Variants in SLC35F4 observed in about 807,000 individuals in gnomAD.
SLC35F4 encodes chromosome 14 open reading frame 36.
SLC35F4 carries 24 observed loss-of-function variants against 44.2 expected under a neutral mutation model. The observed-to-expected ratio is 0.54, with a 90% confidence interval of 0.39 to 0.76. The LOEUF (loss-of-function observed/expected upper bound fraction) is 0.76. Among genes scored for constraint, SLC35F4 ranks in the 30% least tolerant of loss-of-function variants. The pLI is 0.00. For missense variants in SLC35F4, 562 were observed against 586.1 expected, an observed-to-expected ratio of 0.96 and a Z score of 0.42; for synonymous variants, 238 against 223.6, an observed-to-expected ratio of 1.06 and a Z score of -0.57.
intron 1 of SLC35F4, among the ~76,000 whole-genome samples, chr14:57,892,376 T>C (rs7155201): frequency 0.17 from 26,200 of 152,172 alleles, 2,778 homozygotes; most frequent in African/African-American, 0.29. Flanking sequence ...TTCCACATTG[T>C]CTCCCAAAAG....
At chr14:57,795,422 A>G (rs1380149290) in intron 1 of SLC35F4, among the ~76,000 whole-genome samples, 1 of 152,216 alleles carries the variant, frequency 6.6e-6, no homozygotes, top group African/African-American at 2.4e-5. Flanking sequence ...AAAATAATTC[A>G]AGAGCTCGCC....
chr14:57,904,172 C>T (rs1889065621), intron 1 of SLC35F4, among the ~76,000 whole-genome samples: 1 of 152,196 alleles, frequency 6.6e-6, no homozygotes, highest in Non-Finnish European at 1.5e-5. Context: ...TGCACAAGCT[C>T]TGAATTATTC....
intron 3 of SLC35F4, 151 bp downstream of exon 3, chr14:57,589,065 T>C: frequency 1.3e-6 from 1 of 767,994 alleles, no homozygotes; most frequent in Non-Finnish European, 2.1e-6. Context: ...AAGGGAGGAC[T>C]GATTCTGCTT....
At chr14:57,571,301 A>C (rs567403505) in intron 5 of SLC35F4, among the ~76,000 whole-genome samples, 40 of 152,312 alleles carry the variant, frequency 2.6e-4, no homozygotes, top group African/African-American at 9.4e-4. Context: ...ACTCCAGTGG[A>C]GAAAAAAATG....
chr14:57,951,634 C>T (rs531377787), intron 1 of SLC35F4, among the ~76,000 whole-genome samples: 10 of 152,266 alleles, frequency 6.6e-5, no homozygotes, highest in Admixed American at 4.6e-4. Context: ...CTTGAATAGG[C>T]GGTTTTCCCC....
At position 57,854,577 on chromosome 14, in the gene SLC35F4, C is replaced by T. The variant is rs186048732; in HGVS notation, c.103+11146G>A. On this transcript the variant is annotated intron_variant, in intron 1 of 7. Coordinates refer to ENST00000556826, the MANE Select transcript of SLC35F4 (RefSeq NM_001306087.2). ...TGCCCTCACTATCCCATCTTCACCCCATCCTACCCAAGCTATCCATCTTCA... is the reference window on the plus strand; with the variant it reads ...TGCCCTCACTATCCCATCTTCACCCTATCCTACCCAAGCTATCCATCTTCA... 5.1e-4 allele frequency among the ~76,000 whole-genome samples: 77 copies of T among 152,276 alleles called. No individual in the cohort carries two copies. In the East Asian group the frequency reaches 9.7e-3, roughly 19 times the overall value.
At chr14:57,570,826 C>T (rs2068463313) in intron 5 of SLC35F4, among the ~76,000 whole-genome samples, 1 of 152,160 alleles carries the variant, frequency 6.6e-6, no homozygotes, top group Admixed American at 6.5e-5. Flanking sequence ...GGTACTGCTT[C>T]TAATTTCAAC....
intron 1 of SLC35F4, among the ~76,000 whole-genome samples, chr14:57,760,519 T>C (rs1419852134): frequency 6.6e-6 from 1 of 152,218 alleles, no homozygotes; most frequent in Non-Finnish European, 1.5e-5. Context: ...ATACAAATTT[T>C]ATAATTGTTT....
At chr14:57,575,457 G>A (rs879878256) in intron 4 of SLC35F4, among the ~76,000 whole-genome samples, 3 of 151,966 alleles carry the variant, frequency 2.0e-5, no homozygotes, top group Admixed American at 6.6e-5. Flanking sequence ...CTCCAGCCTG[G>A]GCAACAGAAT....
At chr14:57,656,376 T>TATAC (rs1314183912) in intron 1 of SLC35F4, among the ~76,000 whole-genome samples, 1,479 of 73,978 alleles carry the variant, frequency 0.02, 21 homozygotes, top group African/African-American at 0.078. Context: ...TATATATATA[T>TATAC]ACACACACAC....
chr14:57,676,087 A>C (rs960736305), intron 1 of SLC35F4, among the ~76,000 whole-genome samples: 2 of 152,134 alleles, frequency 1.3e-5, no homozygotes, highest in African/African-American at 4.8e-5. Context: ...ACTACTATGC[A>C]GAATCTACAA....
At chr14:57,891,339 GC>G (rs1888759696) in intron 1 of SLC35F4, among the ~76,000 whole-genome samples, 1 of 152,084 alleles carries the variant, frequency 6.6e-6, no homozygotes, top group Admixed American at 6.6e-5. Flanking sequence ...CAAATCACCT[GC>G]CCTCATGGAG....
At chr14:57,876,381 A>G (rs1286877766) in intron 1 of SLC35F4, among the ~76,000 whole-genome samples, 3 of 152,152 alleles carry the variant, frequency 2.0e-5, no homozygotes, top group Non-Finnish European at 4.4e-5. Context: ...ACATGAATAA[A>G]TCTTTTAAAT....
chr14:57,871,731 T>C (rs1034185872), intron 1 of SLC35F4, among the ~76,000 whole-genome samples: 3 of 152,218 alleles, frequency 2.0e-5, no homozygotes, highest in African/African-American at 7.2e-5. Flanking sequence ...TGACTAATTC[T>C]GGTTGTGAAC....
chr14:57,762,603 T>C (rs1428940312), intron 1 of SLC35F4, among the ~76,000 whole-genome samples: 1 of 152,144 alleles, frequency 6.6e-6, no homozygotes, highest in Non-Finnish European at 1.5e-5. Flanking sequence ...GTGGGAACTT[T>C]AAGAAATGAT....
intron 1 of SLC35F4, among the ~76,000 whole-genome samples, chr14:57,800,548 G>T (rs1421748952): frequency 1.3e-5 from 2 of 152,118 alleles, no homozygotes; most frequent in Admixed American, 1.3e-4. Context: ...GCTTCAGAAG[G>T]GGGGTAATAA....
intron 1 of SLC35F4, among the ~76,000 whole-genome samples, chr14:57,634,424 C>T (rs1244392335): frequency 1.3e-5 from 2 of 152,058 alleles, no homozygotes; most frequent in African/African-American, 2.4e-5. Context: ...CACATTTGGG[C>T]AAGATTCTTA....
intron 1 of SLC35F4, among the ~76,000 whole-genome samples, chr14:57,898,270 A>T (rs537787396): frequency 4.6e-5 from 7 of 152,382 alleles, no homozygotes; most frequent in South Asian, 4.1e-4. Context: ...TAAGATTGTT[A>T]CATCTCTGCA....
At chr14:57,692,845 A>G (rs1411937112) in intron 1 of SLC35F4, among the ~76,000 whole-genome samples, 3 of 152,068 alleles carry the variant, frequency 2.0e-5, no homozygotes, top group African/African-American at 4.8e-5. Flanking sequence ...TTTCCATATT[A>G]TTTGTGTGCA....
Sources: gnomAD v4.1 joint callset for allele counts (sites outside exome capture counted in the v4.1 genomes callset) on GRCh38, gnomAD v4.1.1 for gene constraint, MANE v1.5 for transcripts, NCBI Gene and HGNC (gene_info 2026-07-23, HGNC 2026-07-21) for gene names.